The following IGSF11 variants were observed in gnomAD, a reference collection of about 807,000 sequenced individuals.
IGSF11 encodes immunoglobulin superfamily member 11, also known as CXADR like 1.
IGSF11 carries 22 observed loss-of-function variants against 41.0 expected under a neutral mutation model. That is an observed-to-expected ratio of 0.54 (90% confidence interval 0.38 to 0.77). IGSF11 has a LOEUF of 0.77. Ranked by LOEUF, IGSF11 falls within the 30% of genes least tolerant of loss-of-function variation. IGSF11 has a pLI of 0.00. For synonymous variants in IGSF11, 219 were observed against 201.3 expected, an observed-to-expected ratio of 1.09 and a Z score of -0.74; for missense variants, 444 against 530.8, an observed-to-expected ratio of 0.84 and a Z score of 1.61.
intron 1 of IGSF11, among the ~76,000 whole-genome samples, chr3:119,047,300 A>G (rs1037314978): frequency 6.6e-6 from 1 of 152,164 alleles, no homozygotes; most frequent in African/African-American, 2.4e-5. Context: ...GGATGGAGGA[A>G]GATCTACCAA....
At chr3:119,097,917 A>G (rs1228719494) in intron 1 of IGSF11, among the ~76,000 whole-genome samples, 3 of 148,752 alleles carry the variant, frequency 2.0e-5, no homozygotes, top group Non-Finnish European at 4.4e-5. Flanking sequence ...CAGCCTCCCA[A>G]GTAGCTAGGA....
chr3:118,902,466 C>CCGG lies in IGSF11; in HGVS notation c.*53_*54insCCG. 1 of 878,270 alleles carries CCGG rather than the reference C, an allele frequency of 1.1e-6. No homozygotes were observed. Among genetic ancestry groups the CCGG allele is most frequent in the Non-Finnish European group, 1.8e-6 (1 of 544,884 alleles). 54.4% of individuals were successfully genotyped at this position (878,270 alleles called of 1,614,324 possible). ...CAGCACTCCCCACCCCACCCTCCCC[C>CCGG]TTGTATGAGGGCATTCCATTTATTC... On this transcript the variant is annotated 3_prime_UTR_variant, in exon 7 of 7. Coordinates refer to ENST00000393775, the MANE Select transcript of IGSF11 (RefSeq NM_001015887.3).
At chr3:119,065,019 T>G (rs1942178357) in intron 1 of IGSF11, among the ~76,000 whole-genome samples, 1 of 152,194 alleles carries the variant, frequency 6.6e-6, no homozygotes, top group Admixed American at 6.5e-5. Context: ...CTTATTGTAC[T>G]TCCTGAGACC....
chr3:119,004,479 T>C (rs1414441288), intron 1 of IGSF11, among the ~76,000 whole-genome samples: 2 of 149,784 alleles, frequency 1.3e-5, no homozygotes, highest in African/African-American at 2.5e-5. Flanking sequence ...CTGCTCTGAT[T>C]TTAGTTATTT....
intron 1 of IGSF11, among the ~76,000 whole-genome samples, chr3:118,962,465 T>C (rs1196238721): frequency 6.6e-6 from 1 of 152,164 alleles, no homozygotes; most frequent in Non-Finnish European, 1.5e-5. Context: ...AAAAATAATC[T>C]ACTCTGGTTG....
chr3:118,967,162 C>CA (rs1008537518), intron 1 of IGSF11, among the ~76,000 whole-genome samples: 17 of 150,232 alleles, frequency 1.1e-4, no homozygotes, highest in Admixed American at 8.0e-4. Flanking sequence ...GAATTAATGC[C>CA]AAAAAAAACC....
At chr3:119,052,205 T>C (rs576041842) in intron 1 of IGSF11, among the ~76,000 whole-genome samples, 16 of 152,062 alleles carry the variant, frequency 1.1e-4, no homozygotes, top group African/African-American at 2.2e-4. Flanking sequence ...CTTGGCTGGG[T>C]GCGGTGGCTC....
intron 1 of IGSF11, among the ~76,000 whole-genome samples, chr3:119,134,483 A>C (rs1032864192): frequency 6.6e-6 from 1 of 152,182 alleles, no homozygotes; most frequent in African/African-American, 2.4e-5. Context: ...AAGAGAATAA[A>C]ATACCTAGGA....
chr3:118,998,919 C>T (rs888696410), intron 1 of IGSF11, among the ~76,000 whole-genome samples: 12 of 151,946 alleles, frequency 7.9e-5, no homozygotes, highest in Admixed American at 7.9e-4. Flanking sequence ...CAGTGGAAAC[C>T]ATCTAAGTAT....
At chr3:118,952,345 T>C (rs2107584257) in intron 1 of IGSF11, among the ~76,000 whole-genome samples, 1 of 152,298 alleles carries the variant, frequency 6.6e-6, no homozygotes, top group Admixed American at 6.5e-5. Flanking sequence ...GATTTCTCTG[T>C]AGCAGGCAAT....
intron 1 of IGSF11, among the ~76,000 whole-genome samples, chr3:119,113,932 C>G (rs1191600310): frequency 6.6e-6 from 1 of 152,256 alleles, no homozygotes; most frequent in Non-Finnish European, 1.5e-5. Flanking sequence ...AGGCTTAACA[C>G]CATGTGGAAA....
At chr3:119,056,219 T>C (rs1389383046) in intron 1 of IGSF11, among the ~76,000 whole-genome samples, 2 of 151,988 alleles carry the variant, frequency 1.3e-5, no homozygotes, top group African/African-American at 2.4e-5. Flanking sequence ...ATTGATAGAC[T>C]GCTAGCAAGA....
intron 1 of IGSF11, among the ~76,000 whole-genome samples, chr3:119,117,369 C>A (rs1422667026): frequency 1.3e-5 from 2 of 152,070 alleles, no homozygotes; most frequent in Admixed American, 6.6e-5. Context: ...TGAAGGAAGG[C>A]AAGGAGGAGC....
At chr3:119,018,904 C>T (rs1243188405) in intron 1 of IGSF11, among the ~76,000 whole-genome samples, 1 of 152,224 alleles carries the variant, frequency 6.6e-6, no homozygotes, top group African/African-American at 2.4e-5. Context: ...GCTTGCCATC[C>T]TTTGGCACAT....
At chr3:119,092,269 A>T (rs546268071) in intron 1 of IGSF11, among the ~76,000 whole-genome samples, 1 of 152,328 alleles carries the variant, frequency 6.6e-6, no homozygotes, top group East Asian at 1.9e-4. Context: ...AAGATTAAAC[A>T]AAGTTAAAAT....
intron 4 of IGSF11, among the ~76,000 whole-genome samples, chr3:118,918,208 T>G (rs1271301631): frequency 1.9e-5 from 2 of 106,672 alleles, no homozygotes; most frequent in African/African-American, 5.7e-5. Context: ...AAGACAGGGA[T>G]GCCCTCTCTC....
intron 1 of IGSF11, among the ~76,000 whole-genome samples, chr3:119,136,074 GC>G: frequency 6.6e-6 from 1 of 152,176 alleles, no homozygotes; most frequent in Non-Finnish European, 1.5e-5. Context: ...GGGCTTGGGG[GC>G]TGGGGTAGGG....
intron 1 of IGSF11, among the ~76,000 whole-genome samples, chr3:119,065,533 C>G (rs563042633): frequency 6.6e-6 from 1 of 152,244 alleles, no homozygotes; most frequent in Non-Finnish European, 1.5e-5. Context: ...TGGCACACGC[C>G]TGTAATCCCA....
chr3:119,094,915 A>G (rs9864357), intron 1 of IGSF11, among the ~76,000 whole-genome samples: 25,545 of 151,960 alleles, frequency 0.17, 2,633 homozygotes, highest in Non-Finnish European at 0.24. Context: ...CAGATGATCC[A>G]GCCGCCTCGG....
Sources: gnomAD v4.1 joint callset for allele counts (sites outside exome capture counted in the v4.1 genomes callset) on GRCh38, gnomAD v4.1.1 for gene constraint, MANE v1.5 for transcripts, NCBI Gene and HGNC (gene_info 2026-07-23, HGNC 2026-07-21) for gene names.